P2RY8: variants seen among roughly 807,000 people sequenced by gnomAD.
P2RY8 encodes P2Y receptor family member 8.
A neutral mutation model predicts 10.0 loss-of-function variants in P2RY8; 6 were observed. The ratio of observed to expected loss-of-function variants is 0.60; its 90% CI spans 0.33 to 1.19. P2RY8 has a LOEUF of 1.19. Among genes scored for constraint, P2RY8 ranks in the 50% most tolerant of loss-of-function variants. P2RY8 has a pLI of 0.04. For missense variants in P2RY8, 456 were observed against 542.0 expected (o/e 0.84, Z 1.58); for synonymous variants, 276 against 252.5 (o/e 1.09, Z -0.88).
intron 1 of P2RY8, among the ~76,000 whole-genome samples, chrX:1,497,691 C>G (rs2092131312): frequency 1.3e-5 from 2 of 151,976 alleles, no homozygotes; most frequent in Admixed American, 6.6e-5. Flanking sequence ...TGCTGACAAG[C>G]AAATATGGCC....
At chrX:1,515,611 T>C (rs2092340950) in intron 1 of P2RY8, among the ~76,000 whole-genome samples, 1 of 151,448 alleles carries the variant, frequency 6.6e-6, no homozygotes, top group Admixed American at 6.6e-5. Flanking sequence ...CCTCACGTGA[T>C]CCACCCGCCT....
At chrX:1,512,313 G>A (rs749714691) in intron 1 of P2RY8, among the ~76,000 whole-genome samples, 11 of 152,180 alleles carry the variant, frequency 7.2e-5, no homozygotes, top group East Asian at 3.9e-4. Context: ...CTGGGAGGCC[G>A]AGGTGGGTGG....
At chrX:1,535,380 G>T (rs112160353) in intron 1 of P2RY8, among the ~76,000 whole-genome samples, 9 of 151,242 alleles carry the variant, frequency 6.0e-5, no homozygotes, top group African/African-American at 2.2e-4. Flanking sequence ...TAGAGACGGG[G>T]TTTCACTATG....
In P2RY8 at chrX:1,464,539, TG is replaced by T. The variant is rs2091635591; in HGVS notation, c.*939del. 8.6e-6 allele frequency: 2 copies of T among 233,170 alleles called. No individual in the cohort carries two copies. The highest frequency in any genetic ancestry group is 1.7e-5 in the Non-Finnish European group (2 of 118,210). The allele number at this position is 233,170 out of a possible 1,614,324, so 14.4% of individuals were successfully genotyped here. On this transcript the variant is annotated 3_prime_UTR_variant, in exon 2 of 2. Coordinates refer to ENST00000381297, the MANE Select transcript of P2RY8 (RefSeq NM_178129.5). Reference sequence around the variant, plus strand: ...AAGGACGCGGAGAATGGGCAGGAGGTGGGGAACTCCCGAATCAAGCTGCACC... The same window carrying T: ...AAGGACGCGGAGAATGGGCAGGAGGTGGGAACTCCCGAATCAAGCTGCACC...
chrX:1,499,916 T>C (rs746664486), intron 1 of P2RY8, among the ~76,000 whole-genome samples: 1 of 151,646 alleles, frequency 6.6e-6, no homozygotes, highest in East Asian at 1.9e-4. Context: ...TGGAGTGCAG[T>C]GGTGTGATCT....
intron 1 of P2RY8, among the ~76,000 whole-genome samples, chrX:1,520,610 C>T (rs1480618071): frequency 5.3e-5 from 8 of 151,874 alleles, no homozygotes; most frequent in African/African-American, 1.9e-4. Flanking sequence ...TCTCTGGTCC[C>T]CAATCCTCTC....
At chrX:1,511,199 A>G (rs1432830076) in intron 1 of P2RY8, among the ~76,000 whole-genome samples, 1 of 152,172 alleles carries the variant, frequency 6.6e-6, no homozygotes, top group African/African-American at 2.4e-5. Flanking sequence ...AAGAAAAGAA[A>G]AAAAGAAAAC....
chrX:1,472,981 TG>T (rs1277715190), intron 1 of P2RY8, among the ~76,000 whole-genome samples: 2 of 25,932 alleles, frequency 7.7e-5, no homozygotes, highest in African/African-American at 3.2e-4. Flanking sequence ...GGTGGATGGA[TG>T]GGGGTGGGTG....
At chrX:1,520,080 C>A (rs1301170014) in intron 1 of P2RY8, among the ~76,000 whole-genome samples, 1 of 151,878 alleles carries the variant, frequency 6.6e-6, no homozygotes, top group Non-Finnish European at 1.5e-5. Context: ...TCTCTCTGAT[C>A]TCCAATTATC....
intron 1 of P2RY8, among the ~76,000 whole-genome samples, chrX:1,508,320 A>C (rs2092253889): frequency 6.6e-6 from 1 of 152,130 alleles, no homozygotes; most frequent in South Asian, 2.1e-4. Flanking sequence ...CAGCAGCGAC[A>C]TCTCTGGCTG....
chrX:1,508,335 G>A (rs2092254028), intron 1 of P2RY8, among the ~76,000 whole-genome samples: 1 of 152,130 alleles, frequency 6.6e-6, no homozygotes, highest in East Asian at 1.9e-4. Context: ...TGGCTGTCAT[G>A]ACGGGGTGGA....
At chrX:1,466,643 G>A (rs1239409263) in intron 1 of P2RY8, 61 bp from the exon 2 acceptor site, 1 of 1,488,124 alleles carries the variant, frequency 6.7e-7, no homozygotes, top group East Asian at 2.3e-5. Flanking sequence ...GCGGCTGCCG[G>A]GAGGGCTCCT....
intron 1 of P2RY8, among the ~76,000 whole-genome samples, chrX:1,533,430 A>G (rs2092495262): frequency 6.9e-6 from 1 of 144,238 alleles, no homozygotes; most frequent in East Asian, 2.0e-4. Context: ...ATATATTTAT[A>G]TATTTATTAT....
rs1569537355 is a variant in P2RY8 at position 1,493,357 on chromosome X, AGGGGAG to A, written c.-24-26781_-24-26776del. On this transcript the variant is annotated intron_variant, in intron 1 of 1. Coordinates refer to ENST00000381297, the MANE Select transcript of P2RY8 (RefSeq NM_178129.5). ...AGGGGAGGGGAGGGGAGGGGAGGGG[AGGGGAG>A]GGGGAGGGAGGAAGGAGGAAGGAGG... Among the ~76,000 whole-genome samples the A allele has an allele frequency of 4.3e-4, 16 of 36,820 alleles. 1 individual carries two copies. The highest frequency in any genetic ancestry group is 1.7e-3 in the African/African-American group (14 of 8,462). The allele number at this position is 36,820 out of a possible 152,430, so 24.2% of individuals were successfully genotyped here. A position where few individuals can be genotyped will look rare whatever the true frequency, so the allele number is the denominator to read the frequency against.
chrX:1,533,901 G>C (rs1489206621), intron 1 of P2RY8, among the ~76,000 whole-genome samples: 1 of 114,026 alleles, frequency 8.8e-6, no homozygotes, highest in Non-Finnish European at 1.6e-5. Flanking sequence ...ACTTATATAT[G>C]TATTATTTAA....
At chrX:1,492,821 T>C (rs2092066488) in intron 1 of P2RY8, among the ~76,000 whole-genome samples, 1 of 151,942 alleles carries the variant, frequency 6.6e-6, no homozygotes, top group Non-Finnish European at 1.5e-5. Flanking sequence ...CATGGTTGTT[T>C]CAAAGGCAGT....
chrX:1,472,276 AAG>A (rs5901176), intron 1 of P2RY8, among the ~76,000 whole-genome samples: 79,267 of 150,394 alleles, frequency 0.53, 21,077 homozygotes, highest in South Asian at 0.65. Context: ...CCTTAGGAGA[AAG>A]AGAAATTTAG....
chrX:1,474,166 G>A (rs112293655), intron 1 of P2RY8, among the ~76,000 whole-genome samples: 75,733 of 146,816 alleles, frequency 0.52, 18,936 homozygotes, highest in South Asian at 0.63. Flanking sequence ...GGATGGGTGG[G>A]TGTATGGATG....
intron 1 of P2RY8, among the ~76,000 whole-genome samples, chrX:1,491,016 A>G (rs2149390949): frequency 6.6e-6 from 1 of 151,642 alleles, no homozygotes; most frequent in African/African-American, 2.4e-5. Flanking sequence ...GGGGGGAATG[A>G]ATGAATGATA....
Sources: gnomAD v4.1 joint callset for allele counts (sites outside exome capture counted in the v4.1 genomes callset) on GRCh38, gnomAD v4.1.1 for gene constraint, MANE v1.5 for transcripts, NCBI Gene and HGNC (gene_info 2026-07-23, HGNC 2026-07-21) for gene names.